Variants in ANKRD18B observed in about 807,000 individuals in gnomAD.
The protein encoded by ANKRD18B is ankyrin repeat domain-containing protein 18B.
Under a neutral mutation model 111.8 loss-of-function variants are expected in ANKRD18B, and 75 were observed. The ratio of observed to expected loss-of-function variants is 0.67; its 90% CI spans 0.56 to 0.81. The LOEUF (loss-of-function observed/expected upper bound fraction) is 0.81, where lower values mean the gene tolerates loss of function less well. ANKRD18B is among the 40% of genes least tolerant of loss of function. The pLI is 0.00. For missense variants in ANKRD18B, 1,038 were observed against 1,225.5 expected, an observed-to-expected ratio of 0.85 and a Z score of 2.28; for synonymous variants, 356 against 417.3, an observed-to-expected ratio of 0.85 and a Z score of 1.79.
intron 14 of ANKRD18B, among the ~76,000 whole-genome samples, chr9:33,565,359 C>T (rs982329798): frequency 2.0e-5 from 3 of 152,148 alleles, no homozygotes; most frequent in Non-Finnish European, 2.9e-5. Context: ...TATTCTATGG[C>T]CTTTACCCCA....
intron 17 of ANKRD18B, chr9:33,569,261 CTTT>C (rs67285532): frequency 5.0e-4 from 49 of 98,506 alleles, no homozygotes; most frequent in Non-Finnish European, 7.8e-4. Context: ...GTTCATATCA[CTTT>C]TTTTTTTTTT....
chr9:33,533,987 C>A (rs1447002602), intron 4 of ANKRD18B: 1 of 155,910 alleles, frequency 6.4e-6, no homozygotes, highest in Non-Finnish European at 1.4e-5. Flanking sequence ...TTATTTGATC[C>A]CTAGCTGACT....
chr9:33,561,194 C>G (rs1436855301), intron 14 of ANKRD18B, among the ~76,000 whole-genome samples: 1 of 152,194 alleles, frequency 6.6e-6, no homozygotes, highest in Non-Finnish European at 1.5e-5. Flanking sequence ...TTTTCCCTAA[C>G]ACTTATTTTC....
chr9:33,529,848 GTGAT>G (rs1383376287), intron 3 of ANKRD18B, among the ~76,000 whole-genome samples: 14 of 152,186 alleles, frequency 9.2e-5, no homozygotes, highest in Non-Finnish European at 2.1e-4. Context: ...TGAATATACG[GTGAT>G]GAAGTGAGAA....
At chr9:33,571,759 A>G (rs552739493) in intron 18 of ANKRD18B, 92 of 154,536 alleles carry the variant, frequency 6.0e-4, no homozygotes, top group Middle Eastern at 3.4e-3. Flanking sequence ...CTCTAGCACC[A>G]AAGTGGACAG....
intron 17 of ANKRD18B, among the ~76,000 whole-genome samples, chr9:33,570,920 G>T (rs1331779231): frequency 6.6e-6 from 1 of 152,134 alleles, no homozygotes; most frequent in Non-Finnish European, 1.5e-5. Context: ...ACAGGCGTGA[G>T]CTGCCATGCC....
At position 33,524,525 on chromosome 9, in the gene ANKRD18B, C is replaced by T. The variant is rs1309380059; in HGVS notation, c.36C>T (p.Gly12=). ...TCCTCAGTTTTGGGAGACGCCTGGGCCAGGCGCTCCTGAGCTCCATGGACC... is the reference window on the plus strand; with the variant it reads ...TCCTCAGTTTTGGGAGACGCCTGGGTCAGGCGCTCCTGAGCTCCATGGACC... ...RKLLSFGRRL[G]QALLSSMDQE... is the part of the protein sequence containing the mutation. The change falls in exon 1 of 19, where the codon GGC becomes GGT. Residue 12 remains glycine (G), a synonymous_variant. Transcript: ENST00000684830. 1.4e-5 allele frequency: 21 copies of T among 1,551,068 alleles called. No homozygotes were observed. Among genetic ancestry groups the T allele is most frequent in the Non-Finnish European group, 1.6e-5 (18 of 1,146,696 alleles).
intron 2 of ANKRD18B, 79 bp downstream of exon 2, chr9:33,528,920 T>C: frequency 6.4e-7 from 1 of 1,570,094 alleles, no homozygotes; most frequent in South Asian, 1.2e-5. Flanking sequence ...CATTTAAATA[T>C]AGCTAGTTGG....
At chr9:33,549,566 T>A (rs1828417276) in intron 11 of ANKRD18B, among the ~76,000 whole-genome samples, 1 of 152,184 alleles carries the variant, frequency 6.6e-6, no homozygotes, top group African/African-American at 2.4e-5. Context: ...ATTTTCCAGA[T>A]GAACTGAAGT....
downstream of ANKRD18B, among the ~76,000 whole-genome samples, chr9:33,574,790 T>A (rs1475454220): frequency 3.3e-5 from 5 of 152,112 alleles, no homozygotes; most frequent in African/African-American, 1.2e-4. Flanking sequence ...CATGCACACA[T>A]GTCAGTTCAG....
chr9:33,535,463 A>G (rs981721619), intron 5 of ANKRD18B, among the ~76,000 whole-genome samples: 2 of 151,394 alleles, frequency 1.3e-5, no homozygotes, highest in African/African-American at 2.4e-5. Context: ...TTTTTTTTGT[A>G]TTTTTAGTAG....
At chr9:33,529,314 A>C in intron 3 of ANKRD18B, 141 bp downstream of exon 3, 1 of 1,263,230 alleles carries the variant, frequency 7.9e-7, no homozygotes, top group Non-Finnish European at 1.1e-6. Context: ...TTTACTTTAA[A>C]TGTTGATACT....
chr9:33,527,980 T>C (rs575064647), intron 1 of ANKRD18B, among the ~76,000 whole-genome samples: 1 of 152,378 alleles, frequency 6.6e-6, no homozygotes, highest in Admixed American at 6.5e-5. Flanking sequence ...TTAATTAAAA[T>C]GTTTTTGTTA....
In ANKRD18B at chr9:33,566,454, A is replaced by C; in HGVS notation, c.2696A>C (p.Glu899Ala). Reference sequence around the variant, plus strand: ...CAAGAATATAAATCGGAGCTGGATGAAAGGGCAATGCAGGCAATAGAAAAA... The same window carrying C: ...CAAGAATATAAATCGGAGCTGGATGCAAGGGCAATGCAGGCAATAGAAAAA... ...KVQEYKSELD[E>A]RAMQAIEKLE... Residue 899 changes from glutamate to alanine, a missense_variant, in exon 15 of 19, where the codon GAA becomes GCA. This residue lies in a region of ANKRD18B where 524 missense variants were observed against 677.9 expected (regional missense o/e 0.77). Coordinates refer to ENST00000684830, the MANE Select transcript of ANKRD18B (RefSeq NM_001393611.1). 6.2e-7 allele frequency: 1 copy of C among 1,610,054 alleles called. No individual in the cohort carries two copies.
At chr9:33,530,527 CAAAA>C (rs34371607) in intron 3 of ANKRD18B, among the ~76,000 whole-genome samples, 3 of 82,988 alleles carry the variant, frequency 3.6e-5, no homozygotes, top group Non-Finnish European at 4.5e-5. Flanking sequence ...ACAACAAGAG[CAAAA>C]AAAAAAAAAA....
Position 33,528,786 on chromosome 9 carries a change from A to T in ANKRD18B, c.266A>T (p.Asp89Val), listed in dbSNP as rs577430433. The T allele has an allele frequency of 1.9e-6, 3 of 1,613,204 alleles. No homozygotes were observed. In the African/African-American group the frequency reaches 4.0e-5, roughly 22 times the overall value. ...GRVQVVTLLL[D>V]RKCQINICDR... ...GTGCAAGTGGTCACTCTCTTGCTGG[A>T]CAGAAAATGCCAGATCAACATCTGT... is the stretch of plus-strand genomic sequence containing the variant. The change falls in exon 2 of 19, where the codon GAC becomes GTC. Residue 89 changes from aspartate (D) to valine (V), a missense_variant. By Grantham distance (152) the Asp-to-Val change is radical (BLOSUM62 -3). Around this residue, in one of 4 missense-constraint regions of ANKRD18B, gnomAD observed 216 missense variants for 205.1 expected, o/e 1.05. Transcript: ENST00000684830.
chr9:33,563,271 T>C (rs1334755108), intron 14 of ANKRD18B, among the ~76,000 whole-genome samples: 1 of 152,172 alleles, frequency 6.6e-6, no homozygotes, highest in Admixed American at 6.5e-5. Context: ...AAGAAAAACA[T>C]TTATTTTGTT....
Position 33,528,856 on chromosome 9 carries a change from A to T in ANKRD18B, c.321+15A>T, listed in dbSNP as rs779089892. Reference sequence around the variant, plus strand: ...CTTTAATGAAGGTATATAGTAGCCAACTCAGCATGAAATGGATTTGATTTA... The same window carrying T: ...CTTTAATGAAGGTATATAGTAGCCATCTCAGCATGAAATGGATTTGATTTA... On this transcript the variant is annotated intron_variant, in intron 2 of 18. Coordinates refer to ENST00000684830, the MANE Select transcript of ANKRD18B (RefSeq NM_001393611.1). 1.9e-6 allele frequency: 3 copies of T among 1,590,154 alleles called. No homozygotes were observed. In the South Asian group the frequency reaches 3.4e-5, roughly 18 times the overall value.
At chr9:33,533,237 G>A (rs1211845442) in intron 3 of ANKRD18B, among the ~76,000 whole-genome samples, 1 of 152,166 alleles carries the variant, frequency 6.6e-6, no homozygotes, top group Non-Finnish European at 1.5e-5. Context: ...GGAGATGACC[G>A]AAGTTAACAT....
Sources: gnomAD v4.1 joint callset for allele counts (sites outside exome capture counted in the v4.1 genomes callset) on GRCh38, gnomAD v4.1.1 for gene constraint, gnomAD v4.1.1 regional missense constraint, MANE v1.5 for transcripts, NCBI Gene and HGNC (gene_info 2026-07-23, HGNC 2026-07-21) for gene names.